The following GRID2 variants were observed in gnomAD, a reference collection of about 807,000 sequenced individuals.
GRID2 encodes the protein glutamate receptor ionotropic, delta-2.
Under a neutral mutation model 114.8 loss-of-function variants are expected in GRID2, and 33 were observed. The ratio of observed to expected loss-of-function variants is 0.29; its 90% CI spans 0.22 to 0.38. GRID2 has a LOEUF of 0.38. Among genes scored for constraint, GRID2 ranks in the 10% least tolerant of loss-of-function variants. The pLI is 1.00. For synonymous variants in GRID2, 505 were observed against 449.9 expected, an observed-to-expected ratio of 1.12 and a Z score of -1.55; for missense variants, 1,184 against 1,257.7, an observed-to-expected ratio of 0.94 and a Z score of 0.89.
At chr4:92,763,849 CTGAG>C (rs1294350569) in intron 2 of GRID2, among the ~76,000 whole-genome samples, 2 of 152,110 alleles carry the variant, frequency 1.3e-5, no homozygotes, top group African/African-American at 2.4e-5. Context: ...GTATTTTACT[CTGAG>C]TGAGACTAGA....
At chr4:92,515,686 G>A (rs1724464888) in intron 1 of GRID2, among the ~76,000 whole-genome samples, 1 of 151,810 alleles carries the variant, frequency 6.6e-6, no homozygotes, top group South Asian at 2.1e-4. Flanking sequence ...TCACACAAAT[G>A]GTACAGCTGC....
intron 2 of GRID2, among the ~76,000 whole-genome samples, chr4:92,608,617 G>A (rs2149226112): frequency 6.6e-6 from 1 of 151,890 alleles, no homozygotes; most frequent in Admixed American, 6.6e-5. Flanking sequence ...AGAGTGTCAT[G>A]GTGCTGTGCT....
chr4:92,506,611 T>A (rs182959339), intron 1 of GRID2, among the ~76,000 whole-genome samples: 3 of 151,940 alleles, frequency 2.0e-5, no homozygotes, highest in Middle Eastern at 3.4e-3. Context: ...GTCTTTTTTT[T>A]ATTAGATTAA....
intron 1 of GRID2, among the ~76,000 whole-genome samples, chr4:92,365,520 G>A (rs923362960): frequency 6.6e-6 from 1 of 151,880 alleles, no homozygotes; most frequent in Non-Finnish European, 1.5e-5. Context: ...TGAGGGAATG[G>A]AAAGTTCCTG....
At chr4:93,366,739 G>T (rs1471781576) in intron 8 of GRID2, among the ~76,000 whole-genome samples, 5 of 151,966 alleles carry the variant, frequency 3.3e-5, no homozygotes. Context: ...CGGACGCCCG[G>T]CTTTAAAATT....
intron 2 of GRID2, among the ~76,000 whole-genome samples, chr4:93,020,294 A>G (rs367984803): frequency 6.6e-6 from 1 of 152,190 alleles, no homozygotes; most frequent in East Asian, 1.9e-4. Flanking sequence ...CGACATCCCT[A>G]TGAATTTTTC....
At chr4:93,719,811 G>C (rs1272606180) in intron 14 of GRID2, among the ~76,000 whole-genome samples, 1 of 152,174 alleles carries the variant, frequency 6.6e-6, no homozygotes, top group Non-Finnish European at 1.5e-5. Flanking sequence ...TGGGCAGTTA[G>C]TTCCAGCAGA....
At chr4:92,439,821 A>T (rs1278723721) in intron 1 of GRID2, among the ~76,000 whole-genome samples, 5 of 144,604 alleles carry the variant, frequency 3.5e-5, no homozygotes, top group African/African-American at 4.9e-5. Context: ...TTCAAGAGTT[A>T]AGAGTGGCAG....
At chr4:92,649,171 A>T (rs1731802935) in intron 2 of GRID2, among the ~76,000 whole-genome samples, 1 of 100,650 alleles carries the variant, frequency 9.9e-6, no homozygotes, top group Admixed American at 1.0e-4. Flanking sequence ...GTTATATATG[A>T]GGAAGAGGTA....
intron 2 of GRID2, among the ~76,000 whole-genome samples, chr4:92,778,569 T>C (rs1738915646): frequency 6.6e-6 from 1 of 152,112 alleles, no homozygotes; most frequent in East Asian, 1.9e-4. Flanking sequence ...AAGAATTTTA[T>C]TCAATCTTAA....
At chr4:92,886,775 G>A (rs913966391) in intron 2 of GRID2, among the ~76,000 whole-genome samples, 7 of 151,882 alleles carry the variant, frequency 4.6e-5, no homozygotes, top group Non-Finnish European at 5.9e-5. Flanking sequence ...ACAGGTGCCC[G>A]CCACCACGTC....
At chr4:93,034,825 C>T (rs1381364746) in intron 2 of GRID2, among the ~76,000 whole-genome samples, 2 of 152,112 alleles carry the variant, frequency 1.3e-5, no homozygotes, top group African/African-American at 4.8e-5. Flanking sequence ...GTCTCAGAGT[C>T]TCTCCATAAA....
At chr4:93,484,279 CA>C (rs1294246584) in intron 11 of GRID2, among the ~76,000 whole-genome samples, 3 of 151,828 alleles carry the variant, frequency 2.0e-5, no homozygotes, top group Non-Finnish European at 4.4e-5. Context: ...TCACTCTTCC[CA>C]AAGGTAACCA....
rs181312675 is a variant in GRID2, at chr4:93,228,423, G to A, written c.1125+3648G>A. On this transcript the variant is annotated intron_variant, in intron 7 of 15. Transcript: ENST00000282020. Reference sequence around the variant, plus strand: ...TCTCATGATCTATTTATCTCTTAAAGTTTCTACTTCTCAATACCATTACAA... The same window carrying A: ...TCTCATGATCTATTTATCTCTTAAAATTTCTACTTCTCAATACCATTACAA... Among the ~76,000 whole-genome samples, 26 of 152,266 alleles carry A rather than the reference G, an allele frequency of 1.7e-4. No individual in the cohort carries two copies. In the East Asian group the frequency reaches 4.8e-3, roughly 28 times the overall value.
chr4:93,070,348 A>C (rs1220049203), intron 2 of GRID2, among the ~76,000 whole-genome samples: 1 of 152,118 alleles, frequency 6.6e-6, no homozygotes, highest in Non-Finnish European at 1.5e-5. Context: ...TTTTCCCCAG[A>C]AATAGAAATG....
chr4:92,663,160 A>G (rs2149270508), intron 2 of GRID2, among the ~76,000 whole-genome samples: 1 of 151,164 alleles, frequency 6.6e-6, no homozygotes, highest in South Asian at 2.1e-4. Context: ...TTGATACTCT[A>G]AAAAGAAACA....
chr4:93,214,147 G>C (rs1046847583), intron 5 of GRID2, among the ~76,000 whole-genome samples: 1 of 151,944 alleles, frequency 6.6e-6, no homozygotes, highest in Non-Finnish European at 1.5e-5. Flanking sequence ...AAAAGATTAA[G>C]ATATTTAATG....
rs560529508 is a variant in GRID2 at position 92,443,002 on chromosome 4, C to T, written c.88+138258C>T. 3.1e-3 allele frequency among the ~76,000 whole-genome samples: 474 copies of T among 151,966 alleles called. 2 individuals are homozygous for T. Among genetic ancestry groups the T allele is most frequent in the Non-Finnish European group, 5.2e-3 (354 of 67,956 alleles). The stretch of plus-strand genomic sequence containing the variant: ...GAGGAAGAATTGGGACCTAGCTCGG[C>T]CTGGCGAGGAGCAGCCTGGGGAGGA... On this transcript the variant is annotated intron_variant, in intron 1 of 15. Coordinates refer to ENST00000282020, the MANE Select transcript of GRID2 (RefSeq NM_001510.4).
intron 3 of GRID2, among the ~76,000 whole-genome samples, chr4:93,092,495 A>G (rs573395940): frequency 6.6e-6 from 1 of 152,170 alleles, no homozygotes; most frequent in Non-Finnish European, 1.5e-5. Context: ...AGGAATCACA[A>G]GTATTGCATA....
Sources: allele counts gnomAD v4.1 joint callset (sites outside exome capture counted in the v4.1 genomes callset), GRCh38; gene constraint gnomAD v4.1.1; transcripts MANE v1.5; gene names NCBI Gene and HGNC (gene_info 2026-07-23, HGNC 2026-07-21).